Variants in DSCAM observed in about 807,000 individuals in gnomAD.
The protein encoded by DSCAM is DS cell adhesion molecule.
In DSCAM, 47 loss-of-function variants were observed where a neutral mutation model predicts 217.7. That is an observed-to-expected ratio of 0.22 (90% CI 0.17 to 0.28). DSCAM has a LOEUF of 0.28. DSCAM is among the 10% of genes least tolerant of loss of function. The pLI is 1.00. For missense variants in DSCAM, 2,080 were observed against 2,618.3 expected, an observed-to-expected ratio of 0.79 and a Z score of 4.49; for synonymous variants, 1,056 against 1,015.3, an observed-to-expected ratio of 1.04 and a Z score of -0.76.
At chr21:40,167,160 A>G in intron 16 of DSCAM, 58 bp downstream of exon 16, 1 of 1,496,398 alleles carries the variant, frequency 6.7e-7, no homozygotes, top group Non-Finnish European at 9.3e-7. Flanking sequence ...ACTGAACAGG[A>G]GTGAAGGGCT....
At chr21:40,238,263 C>T (rs1490944230) in intron 11 of DSCAM, among the ~76,000 whole-genome samples, 1 of 152,178 alleles carries the variant, frequency 6.6e-6, no homozygotes, top group Admixed American at 6.5e-5. Context: ...TTAGTTAGCT[C>T]TCTCATCTCC....
intron 2 of DSCAM, among the ~76,000 whole-genome samples, chr21:40,699,421 T>C (rs886273047): frequency 2.6e-5 from 4 of 152,326 alleles, no homozygotes; most frequent in South Asian, 2.1e-4. Flanking sequence ...TCTCTTACTT[T>C]AAATCAAAAT....
At chr21:40,445,488 T>C (rs2075667254) in intron 3 of DSCAM, among the ~76,000 whole-genome samples, 1 of 152,246 alleles carries the variant, frequency 6.6e-6, no homozygotes, top group Non-Finnish European at 1.5e-5. Context: ...TTAAACCCTT[T>C]GGGGTATCTC....
intron 3 of DSCAM, among the ~76,000 whole-genome samples, chr21:40,393,109 A>G (rs1275895771): frequency 1.3e-5 from 2 of 152,162 alleles, no homozygotes; most frequent in Admixed American, 6.5e-5. Context: ...TGAGACCACA[A>G]AGTCTTCTTG....
chr21:40,035,813 A>G lies in DSCAM; in HGVS notation c.5686+6558T>C, dbSNP rs201012310. On this transcript the variant is annotated intron_variant, in intron 32 of 32. Coordinates refer to ENST00000400454, the MANE Select transcript of DSCAM (RefSeq NM_001389.5). ...AAAAGAACAGAAATTATAACAAACT[A>G]TCTCTCAGACCACAGTGCAATCAAA... Among the ~76,000 whole-genome samples, 286 of 141,322 alleles carry G rather than the reference A, an allele frequency of 2.0e-3. 2 individuals are homozygous for G. The highest frequency in any genetic ancestry group is 7.3e-3 in the African/African-American group (246 of 33,568). 92.7% of individuals were successfully genotyped at this position (141,322 alleles called of 152,430 possible). A position where few individuals can be genotyped will look rare whatever the true frequency, so the allele number is the denominator to read the frequency against.
At chr21:40,173,337 G>A (rs1601408086) in intron 15 of DSCAM, among the ~76,000 whole-genome samples, 1 of 152,166 alleles carries the variant, frequency 6.6e-6, no homozygotes, top group Non-Finnish European at 1.5e-5. Context: ...GGGAAGAGAC[G>A]AAGAACATTT....
intron 1 of DSCAM, among the ~76,000 whole-genome samples, chr21:40,805,846 C>T (rs966936813): frequency 7.2e-5 from 11 of 151,962 alleles, no homozygotes; most frequent in African/African-American, 2.7e-4. Flanking sequence ...ATAGCTGGGA[C>T]TAGAGGCACC....
At chr21:40,671,695 A>AC (rs1399858642) in intron 3 of DSCAM, among the ~76,000 whole-genome samples, 1 of 150,320 alleles carries the variant, frequency 6.7e-6, no homozygotes, top group Non-Finnish European at 1.5e-5. Flanking sequence ...CCTTAAACAA[A>AC]AAAAAAAAAA....
chr21:40,441,068 G>A (rs1016492363), intron 3 of DSCAM, among the ~76,000 whole-genome samples: 1 of 149,068 alleles, frequency 6.7e-6, no homozygotes, highest in Non-Finnish European at 1.5e-5. Flanking sequence ...CTACTAGTCT[G>A]TGGACAAGAA....
At chr21:40,341,716 C>T (rs1295247027) in intron 6 of DSCAM, among the ~76,000 whole-genome samples, 1 of 152,132 alleles carries the variant, frequency 6.6e-6, no homozygotes, top group Non-Finnish European at 1.5e-5. Context: ...GCATATATAT[C>T]ATCATAATCA....
intron 32 of DSCAM, among the ~76,000 whole-genome samples, chr21:40,033,701 T>A (rs1249032881): frequency 1.3e-5 from 2 of 151,772 alleles, no homozygotes; most frequent in African/African-American, 4.9e-5. Flanking sequence ...CCTGCCTGCC[T>A]CTGTAGGCTC....
chr21:40,272,405 A>G (rs918618670), intron 11 of DSCAM, among the ~76,000 whole-genome samples: 1 of 152,236 alleles, frequency 6.6e-6, no homozygotes, highest in African/African-American at 2.4e-5. Context: ...ATTGCTTTCC[A>G]TGACAATTCC....
chr21:40,086,705 A>G (rs2089537244), intron 22 of DSCAM, among the ~76,000 whole-genome samples: 1 of 152,196 alleles, frequency 6.6e-6, no homozygotes, highest in Admixed American at 6.5e-5. Context: ...TGGAGTATGG[A>G]GAACCAGATT....
intron 1 of DSCAM, among the ~76,000 whole-genome samples, chr21:40,709,500 C>G (rs779316498): frequency 1.1e-4 from 17 of 152,028 alleles, no homozygotes; most frequent in Non-Finnish European, 1.6e-4. Flanking sequence ...AGTTCCCCAA[C>G]CCCAACAGGC....
intron 1 of DSCAM, among the ~76,000 whole-genome samples, chr21:40,767,575 C>T (rs1253964440): frequency 6.6e-6 from 1 of 152,144 alleles, no homozygotes; most frequent in Non-Finnish European, 1.5e-5. Context: ...ACCATGTGTG[C>T]TATTTATGTT....
At chr21:40,454,247 A>G (rs1215312120) in intron 3 of DSCAM, among the ~76,000 whole-genome samples, 1 of 152,240 alleles carries the variant, frequency 6.6e-6, no homozygotes, top group Non-Finnish European at 1.5e-5. Context: ...TAATGAAACA[A>G]TGAAGGTGTC....
At chr21:40,786,618 T>A (rs1264519640) in intron 1 of DSCAM, among the ~76,000 whole-genome samples, 1 of 152,200 alleles carries the variant, frequency 6.6e-6, no homozygotes, top group East Asian at 1.9e-4. Context: ...ATCTTCATGC[T>A]AAGTGAAAAA....
At chr21:40,392,240 G>A (rs2075140281) in intron 3 of DSCAM, among the ~76,000 whole-genome samples, 3 of 152,082 alleles carry the variant, frequency 2.0e-5, no homozygotes, top group Admixed American at 2.0e-4. Flanking sequence ...ATGCCTATAA[G>A]TGATATTTAT....
chr21:40,768,562 T>C lies in DSCAM; in HGVS notation c.44-59791A>G, dbSNP rs148266601. On this transcript the variant is annotated intron_variant, in intron 1 of 32. Transcript: ENST00000400454. ...TTAGAGATGGCTAATATTTTGGGTA[T>C]AATGAACGAAGCCAGCTTCAGTTTA... Among the ~76,000 whole-genome samples, 1,056 of 152,348 alleles carry C rather than the reference T, an allele frequency of 6.9e-3. 14 individuals carry two copies. The highest frequency in any genetic ancestry group is 0.041 in the Middle Eastern group (12 of 294).
Sources: gnomAD v4.1 joint callset for allele counts (sites outside exome capture counted in the v4.1 genomes callset) on GRCh38, gnomAD v4.1.1 for gene constraint, MANE v1.5 for transcripts, NCBI Gene and HGNC (gene_info 2026-07-23, HGNC 2026-07-21) for gene names.